Variants in FEZF1 observed in about 807,000 individuals in gnomAD.
FEZF1 encodes the protein fez family zinc finger protein 1.
In FEZF1, 8 loss-of-function variants were observed where a neutral mutation model predicts 32.4. That is an observed-to-expected ratio of 0.25 (90% CI 0.15 to 0.45). The LOEUF (loss-of-function observed/expected upper bound fraction) is 0.45. Ranked by LOEUF, FEZF1 falls within the 20% of genes least tolerant of loss-of-function variation. The probability of loss-of-function intolerance (pLI) is 1.00; values close to 1 mark genes in which losing one functional copy is unlikely to be tolerated. For synonymous variants in FEZF1, 259 were observed against 265.2 expected, an observed-to-expected ratio of 0.98 and a Z score of 0.23; for missense variants, 546 against 622.3, an observed-to-expected ratio of 0.88 and a Z score of 1.31.
rs773497993 is a variant in FEZF1, at chr7:122,303,894, C to A, written c.544G>T (p.Ala182Ser). 3 of 1,613,938 alleles carry A rather than the reference C, an allele frequency of 1.9e-6. No individual in the cohort carries two copies. The South Asian group carries it at 3.3e-5, about 18-fold the overall frequency. Residue 182 changes from alanine (A) to serine (S), a missense_variant, in exon 1 of 4, where the codon GCC (alanine) becomes TCC (serine). Physicochemically the swap from Ala to Ser is moderately conservative, Grantham distance 99. This residue lies in a region of FEZF1 where 345 missense variants were observed against 360.6 expected (regional missense o/e 0.96). Coordinates refer to ENST00000442488, the MANE Select transcript of FEZF1 (RefSeq NM_001024613.4). ...PAAGVNIHPV[A>S]SYFLSSPLHP... is the part of the protein sequence containing the mutation. ...AAAGGGGAACTGAGGAAGTAGGAGGCCACCGGGTGGATGTTCACGCCGGCT... is the reference window on the plus strand; with the variant it reads ...AAAGGGGAACTGAGGAAGTAGGAGGACACCGGGTGGATGTTCACGCCGGCT...
upstream of FEZF1, among the ~76,000 whole-genome samples, chr7:122,307,811 C>T (rs926097169): frequency 1.3e-5 from 2 of 152,174 alleles, no homozygotes; most frequent in Admixed American, 1.3e-4. Context: ...CAACTCCAGG[C>T]CTTGATATCC....
At chr7:122,309,024 T>C (rs2031356514), upstream of FEZF1, among the ~76,000 whole-genome samples, 1 of 152,218 alleles carries the variant, frequency 6.6e-6, no homozygotes, top group Non-Finnish European at 1.5e-5. Flanking sequence ...TTGTTATTTC[T>C]TTTGGTGTGT....
chr7:122,308,592 A>G (rs2031344087), upstream of FEZF1: 1 of 152,240 alleles, frequency 6.6e-6, no homozygotes, highest in Non-Finnish European at 1.5e-5. Context: ...TTACCAAATA[A>G]GCCATAATCT....
chr7:122,304,492 G>A lies in FEZF1; in HGVS notation c.-55C>T. ...GCTGGGTTGCGCCGTCCGTTGCCTT[G>A]TTCCCTGCTTGTCACAGACCTGCGG... On this transcript the variant is annotated 5_prime_UTR_variant, in exon 1 of 4. Transcript: ENST00000442488. 12 of 1,458,608 alleles carry A rather than the reference G, an allele frequency of 8.2e-6. No individual in the cohort carries two copies. Among genetic ancestry groups the A allele is most frequent in the Non-Finnish European group, 1.1e-5 (12 of 1,085,210 alleles). The allele number at this position is 1,458,608 out of a possible 1,614,324, so 90.4% of individuals were successfully genotyped here.
rs750116742 is a variant in FEZF1, at chr7:122,301,986, C to T, written c.*11G>A. 1.3e-5 allele frequency: 21 copies of T among 1,580,484 alleles called. No homozygotes were observed. The highest frequency in any genetic ancestry group is 1.9e-4 in the Middle Eastern group (1 of 5,400). ...GGGCACGGCTGAGGCTGGGAGGACC[C>T]TTAGCCTCGATCACTGGTGGCCCTG... On this transcript the variant is annotated 3_prime_UTR_variant, in exon 4 of 4. Transcript: ENST00000442488.
Position 122,303,795 on chromosome 7 carries a change from C to T in FEZF1, c.643G>A (p.Gly215Arg). The change falls in exon 1 of 4, where the codon GGA becomes AGA. Residue 215 changes from glycine to arginine, a missense_variant. Gly to Arg is a moderately radical substitution (Grantham distance 125, BLOSUM62 -2). This residue lies in a region of FEZF1 where 345 missense variants were observed against 360.6 expected (regional missense o/e 0.96). Transcript: ENST00000442488. ...VVPAVEKYPS[G>R]VAFKDLSQAQ... is the part of the protein sequence containing the mutation. ...TGGGACAGGTCTTTGAAAGCTACTC[C>T]AGAAGGGTATTTCTCCACCGCCGGG... 2 of 1,614,200 alleles carry T rather than the reference C, an allele frequency of 1.2e-6. No individual in the cohort carries two copies. Among genetic ancestry groups the T allele is most frequent in the African/African-American group, 2.7e-5 (2 of 75,044 alleles).
rs763980305 is a variant in FEZF1 at position 122,302,364 on chromosome 7, C to T, written c.1070-9G>A. ...GTGGTTTTTGTAATTCCCTGAAACA[C>T]ACAAATGACAGGAATATGGTTCTGA... On this transcript the variant is annotated splice_polypyrimidine_tract_variant and intron_variant, in intron 3 of 3. Coordinates refer to ENST00000442488, the MANE Select transcript of FEZF1 (RefSeq NM_001024613.4). This position sits in a 1 kb window ranked among gnomAD's most constrained non-coding sequence, Gnocchi z 4.4. 2 of 1,613,018 alleles carry T rather than the reference C, an allele frequency of 1.2e-6. No homozygotes were observed. The highest frequency in any genetic ancestry group is 2.2e-5 in the South Asian group (2 of 91,026).
At position 122,303,923 on chromosome 7, in the gene FEZF1, G is replaced by T; in HGVS notation, c.515C>A (p.Pro172Gln). Residue 172 changes from proline to glutamine, a missense_variant, in exon 1 of 4, where the codon CCG (proline) becomes CAG (glutamine). Coordinates refer to ENST00000442488, the MANE Select transcript of FEZF1 (RefSeq NM_001024613.4). Reference sequence around the variant, plus strand: ...CGGGTGGATGTTCACGCCGGCTGCCGGGTGGCATGGGCCGTCACCTCGGTT... The same window carrying T: ...CGGGTGGATGTTCACGCCGGCTGCCTGGTGGCATGGGCCGTCACCTCGGTT... ...YLNRGDGPCH[P>Q]AAGVNIHPVA... 1 of 1,611,490 alleles carries T rather than the reference G, an allele frequency of 6.2e-7. No homozygotes were observed. Among genetic ancestry groups the T allele is most frequent in the East Asian group, 2.2e-5 (1 of 44,762 alleles).
At chr7:122,310,235 A>C (rs1584965152) in exon 1 of FEZF1, 1 of 152,114 alleles carries the variant, frequency 6.6e-6, no homozygotes, top group Admixed American at 6.5e-5. Flanking sequence ...CCCCGCGCCG[A>C]CCCGCTGGCC....
exon 1 of FEZF1, chr7:122,310,619 G>C (rs771456762): frequency 3.9e-5 from 6 of 152,318 alleles, no homozygotes; most frequent in Non-Finnish European, 7.3e-5. Context: ...TGCCGGGCTG[G>C]GGCTCCCAAG....
chr7:122,305,547 C>G (rs1021935633), upstream of FEZF1: 2 of 152,226 alleles, frequency 1.3e-5, no homozygotes, highest in African/African-American at 4.8e-5. Flanking sequence ...TTGACTCGAT[C>G]GGACCCCACC....
upstream of FEZF1, chr7:122,307,009 C>T (rs2150619468): frequency 6.6e-6 from 1 of 152,406 alleles, no homozygotes; most frequent in East Asian, 1.9e-4. Flanking sequence ...AGCACCTGGG[C>T]AGAGCAAGCG....
intron 1 of FEZF1, 47 bp from the exon 2 acceptor site, chr7:122,303,358 T>G (rs1214604981): frequency 6.2e-7 from 1 of 1,609,600 alleles, no homozygotes; most frequent in Admixed American, 1.7e-5. Flanking sequence ...CAAGTAACTT[T>G]GAAATCAAAC....
At position 122,301,855 on chromosome 7, in the gene FEZF1, G is replaced by C; in HGVS notation, c.*142C>G. 8.6e-7 allele frequency: 1 copy of C among 1,156,186 alleles called. No individual in the cohort carries two copies. The highest frequency in any genetic ancestry group is 2.5e-5 in the East Asian group (1 of 40,374). The allele number at this position is 1,156,186 out of a possible 1,614,324, so 71.6% of individuals were successfully genotyped here. ...TGCATGCAAGAGGCGAAAGGCCAGG[G>C]GATGCAGAGGCTTCTGGTCGGCCCT... On this transcript the variant is annotated 3_prime_UTR_variant, in exon 4 of 4. Coordinates refer to ENST00000442488, the MANE Select transcript of FEZF1 (RefSeq NM_001024613.4).
chr7:122,305,377 C>T (rs563613169), upstream of FEZF1: 2 of 152,400 alleles, frequency 1.3e-5, no homozygotes, highest in East Asian at 3.9e-4. Context: ...GGTAACTGGC[C>T]TCCCCAAACG....
upstream of FEZF1, among the ~76,000 whole-genome samples, chr7:122,307,969 A>G (rs1042494327): frequency 6.6e-6 from 1 of 152,174 alleles, no homozygotes; most frequent in Non-Finnish European, 1.5e-5. Flanking sequence ...CTTTATTTCC[A>G]AATATATTTG....
chr7:122,302,668 G>T lies in FEZF1; in HGVS notation c.1069+131C>A. On this transcript the variant is annotated intron_variant, in intron 3 of 3. Coordinates refer to ENST00000442488, the MANE Select transcript of FEZF1 (RefSeq NM_001024613.4). The surrounding 1 kb of genome is among the most constrained non-coding windows in gnomAD (Gnocchi z 4.4). ...TTCTCTAATACTAATCAGACTTCGAGTAGGGAGTTAGAATGGCAACAAAAG... is the reference window on the plus strand; with the variant it reads ...TTCTCTAATACTAATCAGACTTCGATTAGGGAGTTAGAATGGCAACAAAAG... 2 of 1,008,976 alleles carry T rather than the reference G, an allele frequency of 2.0e-6. No homozygotes were observed. The highest frequency in any genetic ancestry group is 3.0e-6 in the Non-Finnish European group (2 of 662,958). The allele number at this position is 1,008,976 out of a possible 1,614,324, so 62.5% of individuals were successfully genotyped here.
In FEZF1 at chr7:122,301,880, T is replaced by C. The variant is rs2031045058; in HGVS notation, c.*117A>G. ...GGATGCAGAGGCTTCTGGTCGGCCC[T>C]GAAGTGTGGGGCCCAACATGCCCTG... On this transcript the variant is annotated 3_prime_UTR_variant, in exon 4 of 4. Coordinates refer to ENST00000442488, the MANE Select transcript of FEZF1 (RefSeq NM_001024613.4). 3 of 1,429,950 alleles carry C rather than the reference T, an allele frequency of 2.1e-6. No homozygotes were observed. Among genetic ancestry groups the C allele is most frequent in the Admixed American group, 4.6e-5 (2 of 43,140 alleles). 88.6% of individuals were successfully genotyped at this position (1,429,950 alleles called of 1,614,324 possible).
At position 122,302,206 on chromosome 7, in the gene FEZF1, T is replaced by C. The variant is rs1563041204; in HGVS notation, c.1219A>G (p.Lys407Glu). 6.2e-7 allele frequency: 1 copy of C among 1,614,032 alleles called. No homozygotes were observed. The highest frequency in any genetic ancestry group is 8.5e-7 in the Non-Finnish European group (1 of 1,180,024). The change falls in exon 4 of 4, where the codon AAG becomes GAG. Residue 407 changes from lysine to glutamate, a missense_variant. Physicochemically the swap from Lys to Glu is moderately conservative, Grantham distance 56. Transcript: ENST00000442488. This position sits in a 1 kb window ranked among gnomAD's most constrained non-coding sequence, Gnocchi z 4.4. ...KKPFTCPTCG[K>E]GFCRNFDLKK... ...AGGTCAAAGTTCCTGCAGAAACCCT[T>C]GCCGCACGTGGGGCAGGTGAAAGGC...
Sources: gnomAD v4.1 joint callset for allele counts (sites outside exome capture counted in the v4.1 genomes callset) on GRCh38, gnomAD v4.1.1 for gene constraint, gnomAD v4.1.1 regional missense constraint, Gnocchi (gnomAD v3.1) non-coding constraint, MANE v1.5 for transcripts, NCBI Gene and HGNC (gene_info 2026-07-23, HGNC 2026-07-21) for gene names.